Variants in SLC14A2 observed in about 807,000 individuals in gnomAD.
SLC14A2 encodes the protein urea transporter 2.
Under a neutral mutation model 104.6 loss-of-function variants are expected in SLC14A2, and 91 were observed. The ratio of observed to expected loss-of-function variants is 0.87; its 90% CI spans 0.73 to 1.04. The LOEUF (loss-of-function observed/expected upper bound fraction) is 1.04, where lower values mean the gene tolerates loss of function less well. Ranked by LOEUF, SLC14A2 falls within the 50% of genes least tolerant of loss-of-function variation. The pLI is 0.00. For missense variants in SLC14A2, 1,189 were observed against 1,156.0 expected (o/e 1.03, Z -0.41); for synonymous variants, 476 against 466.4 (o/e 1.02, Z -0.27).
At chr18:45,187,236 G>A in the SLC14A2 span, among the ~76,000 whole-genome samples, 1 of 152,168 alleles carries the variant, frequency 6.6e-6, no homozygotes, top group African/African-American at 2.4e-5. Flanking sequence ...AACCACAGGA[G>A]ATTTGGGTGA....
the SLC14A2 span, among the ~76,000 whole-genome samples, chr18:45,183,113 T>A: frequency 1.3e-5 from 2 of 152,264 alleles, no homozygotes; most frequent in East Asian, 3.9e-4. Context: ...GCCCAAGTGA[T>A]GATGAGGGTA....
chr18:45,443,822 T>C (rs548516581), intron 1 of SLC14A2, among the ~76,000 whole-genome samples: 1 of 152,230 alleles, frequency 6.6e-6, no homozygotes, highest in East Asian at 1.9e-4. Context: ...TGAATAAGGG[T>C]GTAAGGCATT....
chr18:45,452,073 G>A (rs2086866935), intron 1 of SLC14A2, among the ~76,000 whole-genome samples: 1 of 151,888 alleles, frequency 6.6e-6, no homozygotes, highest in Admixed American at 6.6e-5. Flanking sequence ...GGGACAGCTG[G>A]GGGGATATCT....
chr18:45,544,986 A>G (rs1453424957), intron 2 of SLC14A2, among the ~76,000 whole-genome samples: 1 of 151,586 alleles, frequency 6.6e-6, no homozygotes, highest in Non-Finnish European at 1.5e-5. Context: ...TATAGATGGG[A>G]TTTCTCCATG....
chr18:45,189,886 A>G, the SLC14A2 span, among the ~76,000 whole-genome samples: 1 of 152,104 alleles, frequency 6.6e-6, no homozygotes, highest in Non-Finnish European at 1.5e-5. Context: ...TCCCTAGGGC[A>G]GTCCCATCCT....
At chr18:45,391,465 G>T (rs2085963291) in intron 1 of SLC14A2, among the ~76,000 whole-genome samples, 1 of 152,164 alleles carries the variant, frequency 6.6e-6, no homozygotes, top group South Asian at 2.1e-4. Flanking sequence ...TGGGTCAAAT[G>T]GTATTTCTAG....
At chr18:45,245,816 ATG>A (rs2084362894) in intron 1 of SLC14A2, among the ~76,000 whole-genome samples, 1 of 152,196 alleles carries the variant, frequency 6.6e-6, no homozygotes. Flanking sequence ...TTTTGTATTC[ATG>A]TATTGAGTTC....
intron 2 of SLC14A2, among the ~76,000 whole-genome samples, chr18:45,559,040 C>T (rs1334282337): frequency 6.6e-6 from 1 of 152,136 alleles, no homozygotes; most frequent in Non-Finnish European, 1.5e-5. Context: ...CCGCCCGCCT[C>T]GGCCTCCTAA....
At chr18:45,405,136 CAG>C (rs1291893124) in intron 1 of SLC14A2, among the ~76,000 whole-genome samples, 1 of 152,164 alleles carries the variant, frequency 6.6e-6, no homozygotes, top group Non-Finnish European at 1.5e-5. Flanking sequence ...ATTTTCTAGA[CAG>C]AGTCTGGGAA....
At chr18:45,496,406 C>G (rs1452092496) in intron 2 of SLC14A2, among the ~76,000 whole-genome samples, 3 of 152,048 alleles carry the variant, frequency 2.0e-5, no homozygotes, top group Non-Finnish European at 4.4e-5. Context: ...AGAGGAAGAC[C>G]CACTGTCAGT....
intron 4 of SLC14A2, among the ~76,000 whole-genome samples, chr18:45,631,031 C>T (rs1318297932): frequency 6.6e-6 from 1 of 152,190 alleles, no homozygotes; most frequent in Admixed American, 6.5e-5. Context: ...ACCTAAGCCA[C>T]AGCCCCTGCT....
intron 1 of SLC14A2, among the ~76,000 whole-genome samples, chr18:45,240,091 CTTT>C (rs763802776): frequency 0.045 from 3,967 of 89,016 alleles, 16 homozygotes; most frequent in Non-Finnish European, 0.056. Context: ...GCAAATATCT[CTTT>C]TTTTTTTTTT....
intron 1 of SLC14A2, chr18:45,440,510 T>A (rs1164377050): frequency 6.6e-6 from 1 of 152,160 alleles, no homozygotes; most frequent in East Asian, 1.9e-4. Flanking sequence ...AGCAGTTTAG[T>A]GGAAGGTGAA....
intron 1 of SLC14A2, among the ~76,000 whole-genome samples, chr18:45,352,552 A>G (rs967370275): frequency 9.2e-5 from 14 of 152,230 alleles, no homozygotes; most frequent in Admixed American, 3.3e-4. Context: ...TTCCACAGAT[A>G]GAATGATGTG....
At chr18:45,549,810 G>A (rs1365865380) in intron 2 of SLC14A2, among the ~76,000 whole-genome samples, 1 of 152,124 alleles carries the variant, frequency 6.6e-6, no homozygotes, top group Non-Finnish European at 1.5e-5. Context: ...TATACTATGA[G>A]CCTCATAACC....
chr18:45,205,792 C>A, the SLC14A2 span, among the ~76,000 whole-genome samples: 1 of 152,194 alleles, frequency 6.6e-6, no homozygotes, highest in Admixed American at 6.5e-5. Context: ...TCCATTCATT[C>A]TTTTATTCAA....
At chr18:45,578,292 G>T (rs1352979558) in intron 2 of SLC14A2, among the ~76,000 whole-genome samples, 3 of 152,150 alleles carry the variant, frequency 2.0e-5, no homozygotes, top group African/African-American at 4.8e-5. Flanking sequence ...TTTTCATGTG[G>T]TTCGTTATGA....
intron 1 of SLC14A2, among the ~76,000 whole-genome samples, chr18:45,617,143 T>G (rs907203534): frequency 6.6e-6 from 1 of 152,126 alleles, no homozygotes; most frequent in African/African-American, 2.4e-5. Context: ...CGATCTCCTA[T>G]GAGATTCTTC....
intron 2 of SLC14A2, among the ~76,000 whole-genome samples, chr18:45,535,073 T>C (rs1029960552): frequency 1.3e-5 from 2 of 152,174 alleles, no homozygotes; most frequent in African/African-American, 4.8e-5. Flanking sequence ...ACCTGATCCT[T>C]TGTGAAGAGG....
Sources: gnomAD v4.1 joint callset for allele counts (sites outside exome capture counted in the v4.1 genomes callset) on GRCh38, gnomAD v4.1.1 for gene constraint, MANE v1.5 for transcripts, NCBI Gene and HGNC (gene_info 2026-07-23, HGNC 2026-07-21) for gene names.